LVRN: variants seen among roughly 807,000 people sequenced by gnomAD.
LVRN encodes the protein laeverin, also known as aminopeptidase Q.
LVRN carries 99 observed loss-of-function variants against 111.4 expected under a neutral mutation model. The observed-to-expected ratio is 0.89, with a 90% CI of 0.76 to 1.05. The LOEUF (loss-of-function observed/expected upper bound fraction) is 1.05, where lower values mean the gene tolerates loss of function less well. LVRN is among the 50% of genes least tolerant of loss of function. The probability of loss-of-function intolerance (pLI) is 0.00; values close to 1 mark genes in which losing one functional copy is unlikely to be tolerated. For missense variants in LVRN, 1,414 were observed against 1,206.8 expected (o/e 1.17, Z -2.54); for synonymous variants, 488 against 449.5 (o/e 1.09, Z -1.08).
Position 115,992,176 on chromosome 5 carries a change from A to G in LVRN, c.1159A>G (p.Met387Val), listed in dbSNP as rs1274635029. 1 of 1,613,808 alleles carries G rather than the reference A, an allele frequency of 6.2e-7. No homozygotes were observed. The highest frequency in any genetic ancestry group is 1.3e-5 in the African/African-American group (1 of 74,930). The part of the protein sequence containing the change: ...DNHAMENWGL[M>V]IFDESGLLLE... ...CCATGCAATGGAAAACTGGGGACTA[A>G]TGATATTTGATGAATCAGGATTGTT... The change falls in exon 5 of 20, where the codon ATG becomes GTG. Residue 387 changes from methionine to valine, a missense_variant. Coordinates refer to ENST00000357872, the MANE Select transcript of LVRN (RefSeq NM_173800.5).
chr5:116,002,821 T>A lies in LVRN; in HGVS notation c.1821-14T>A. The A allele has an allele frequency of 6.4e-7, 1 of 1,574,796 alleles. No individual in the cohort carries two copies. The highest frequency in any genetic ancestry group is 1.1e-5 in the South Asian group (1 of 87,714). On this transcript the variant is annotated splice_polypyrimidine_tract_variant and intron_variant, in intron 10 of 19. Transcript: ENST00000357872. The stretch of plus-strand genomic sequence containing the variant: ...TGTGAAAAGTAACTAATTTTTTTAT[T>A]TTCTTCCAATAAGTGACACATGGAT...
chr5:115,975,951 A>G (rs1182256779), intron 1 of LVRN: 5 of 164,802 alleles, frequency 3.0e-5, no homozygotes. Context: ...CCTTGCTGCC[A>G]AAAATGTTGA....
chr5:115,968,347 T>C (rs780801542), intron 1 of LVRN, among the ~76,000 whole-genome samples: 1 of 152,200 alleles, frequency 6.6e-6, no homozygotes, highest in Non-Finnish European at 1.5e-5. Context: ...ATTGATATAA[T>C]CATGTGATAT....
intron 4 of LVRN, 111 bp downstream of exon 4, chr5:115,988,050 T>C: frequency 7.0e-7 from 1 of 1,429,934 alleles, no homozygotes; most frequent in Non-Finnish European, 9.4e-7. Context: ...ACCATTTAGC[T>C]GCTGGTTTGG....
At chr5:115,990,914 G>T (rs1346383627) in intron 4 of LVRN, among the ~76,000 whole-genome samples, 6 of 152,090 alleles carry the variant, frequency 3.9e-5, no homozygotes, top group South Asian at 2.1e-4. Flanking sequence ...GCAGTTTAAG[G>T]TTTACAGGAA....
chr5:116,015,736 A>G lies in LVRN; in HGVS notation c.2727A>G (p.Leu909=), dbSNP rs1748591363. 1.9e-6 allele frequency: 3 copies of G among 1,613,578 alleles called. No homozygotes were observed. The highest frequency in any genetic ancestry group is 2.5e-6 in the Non-Finnish European group (3 of 1,179,632). Residue 909 remains leucine, a synonymous_variant, in exon 18 of 20, where the codon TTA becomes TTG. Transcript: ENST00000357872. ...GCCGGTATGTCGCAAAAGACTTCTT[A>G]GTCAACAACTGGCAAGCTGTGAGTA... is the stretch of plus-strand genomic sequence containing the variant. ...EVGRYVAKDF[L]VNNWQAVSKR... is the part of the protein sequence containing the mutation.
chr5:116,009,957 T>A (rs532893245), intron 13 of LVRN, among the ~76,000 whole-genome samples: 1 of 152,318 alleles, frequency 6.6e-6, no homozygotes, highest in East Asian at 1.9e-4. Context: ...TTGCTGTGGG[T>A]AAAATGCTAT....
At chr5:115,981,805 T>G (rs557025338) in intron 1 of LVRN, among the ~76,000 whole-genome samples, 2 of 152,310 alleles carry the variant, frequency 1.3e-5, no homozygotes, top group East Asian at 3.9e-4. Flanking sequence ...TATCCCTCTT[T>G]GAGTTCTTCT....
Position 115,994,001 on chromosome 5 carries a change from G to A in LVRN, c.1374+147G>A, listed in dbSNP as rs73261119. The A allele has an allele frequency of 7.3e-3, 3,562 of 487,954 alleles. 119 individuals carry two copies. Among genetic ancestry groups the A allele is most frequent in the African/African-American group, 0.066 (3,234 of 49,006 alleles). The allele number at this position is 487,954 out of a possible 1,614,324, so 30.2% of individuals were successfully genotyped here. On this transcript the variant is annotated intron_variant, in intron 6 of 19. Transcript: ENST00000357872. ...CAAAAATAATTTGTGTTAGCTTTTT[G>A]ATATTTTTTTTTAATTCCAGGCTTT...
At chr5:115,975,171 G>T in intron 1 of LVRN, 1 of 463,474 alleles carries the variant, frequency 2.2e-6, no homozygotes, top group South Asian at 1.7e-5. Flanking sequence ...CAAGTTGCCT[G>T]GTCATAATAT....
At position 115,983,351 on chromosome 5, in the gene LVRN, C is replaced by T. The variant is rs1457781541; in HGVS notation, c.760C>T (p.Pro254Ser). ...ARYVFPCFDE[P>S]ALKATFNITM... ...GTATGTTTTCCCTTGTTTTGATGAG[C>T]CAGCTCTGAAGGCAACTTTTAATAT... The change falls in exon 2 of 20, where the codon CCA (proline) becomes TCA (serine). Residue 254 changes from proline (P) to serine (S), a missense_variant. By Grantham distance (74) the Pro-to-Ser change is moderately conservative. Transcript: ENST00000357872. 1.9e-6 allele frequency: 3 copies of T among 1,611,882 alleles called. No individual in the cohort carries two copies. The highest frequency in any genetic ancestry group is 4.5e-5 in the East Asian group (2 of 44,786).
At chr5:116,014,653 T>G in intron 16 of LVRN, 126 bp downstream of exon 16, 1 of 723,170 alleles carries the variant, frequency 1.4e-6, no homozygotes. Context: ...TCTCCTACTA[T>G]TCTTTTCAAA....
chr5:116,026,466 G>A lies in LVRN; in HGVS notation c.*348G>A. ...GAATATAAAAATCAATGGCATTAAT[G>A]AGGAGCACATTCTTTGCTGAGGGAA... is the stretch of plus-strand genomic sequence containing the variant. On this transcript the variant is annotated 3_prime_UTR_variant, in exon 20 of 20. Transcript: ENST00000357872. 1.6e-5 allele frequency: 5 copies of A among 315,802 alleles called. No homozygotes were observed. Among genetic ancestry groups the A allele is most frequent in the South Asian group, 1.5e-4 (5 of 33,928 alleles). 19.6% of individuals were successfully genotyped at this position (315,802 alleles called of 1,614,324 possible).
rs559293773 is a variant in LVRN, at chr5:115,966,171, C to T, written c.695+2859C>T. Among the ~76,000 whole-genome samples, 3 of 152,324 alleles carry T rather than the reference C, an allele frequency of 2.0e-5. No homozygotes were observed. The South Asian group carries it at 6.2e-4, about 32-fold the overall frequency. On this transcript the variant is annotated intron_variant, in intron 1 of 19. Transcript: ENST00000357872. The stretch of plus-strand genomic sequence containing the variant: ...AAACTACCACAATAAAGATACAGAA[C>T]TGTTCCACCTTAAAGATCATTCCCA...
At chr5:115,980,959 G>A (rs1382791882) in intron 1 of LVRN, among the ~76,000 whole-genome samples, 1 of 152,036 alleles carries the variant, frequency 6.6e-6, no homozygotes, top group African/African-American at 2.4e-5. Flanking sequence ...TTAGAGTTCT[G>A]AGTGGCCTTA....
intron 19 of LVRN, among the ~76,000 whole-genome samples, chr5:116,024,750 A>T (rs1183407351): frequency 6.6e-6 from 1 of 152,202 alleles, no homozygotes; most frequent in Non-Finnish European, 1.5e-5. Context: ...GCTTTTCGAA[A>T]TTGTAAAAAT....
intron 6 of LVRN, among the ~76,000 whole-genome samples, chr5:115,996,450 T>C (rs757448721): frequency 7.2e-5 from 11 of 152,236 alleles, no homozygotes; most frequent in Non-Finnish European, 1.2e-4. Flanking sequence ...CATCAGATCT[T>C]GGCAACTGAG....
chr5:116,011,487 A>C lies in LVRN; in HGVS notation c.2247+593A>C, dbSNP rs74785624. On this transcript the variant is annotated intron_variant, in intron 14 of 19. Transcript: ENST00000357872. ...TCTTAAACAGTAATTATAGGAAAAAATAGCAAAGGTAAAATCAAAGCGAAA... is the reference window on the plus strand; with the variant it reads ...TCTTAAACAGTAATTATAGGAAAAACTAGCAAAGGTAAAATCAAAGCGAAA... Among the ~76,000 whole-genome samples the C allele has an allele frequency of 1.1e-3, 168 of 152,332 alleles. 2 individuals are homozygous for C. The East Asian group carries it at 0.022, about 20-fold the overall frequency.
intron 18 of LVRN, among the ~76,000 whole-genome samples, chr5:116,016,146 G>C (rs992467739): frequency 1.3e-5 from 2 of 152,072 alleles, no homozygotes; most frequent in African/African-American, 4.8e-5. Flanking sequence ...TTAGGGCTTA[G>C]TTTATATTCA....
Sources: allele counts gnomAD v4.1 joint callset (sites outside exome capture counted in the v4.1 genomes callset), GRCh38; gene constraint gnomAD v4.1.1; transcripts MANE v1.5; gene names NCBI Gene and HGNC (gene_info 2026-07-23, HGNC 2026-07-21).